The following PCCA variants were observed in gnomAD, a reference collection of about 807,000 sequenced individuals.
PCCA encodes propionyl-CoA carboxylase alpha chain, mitochondrial.
Under a neutral mutation model 101.3 loss-of-function variants are expected in PCCA, and 74 were observed. The ratio of observed to expected loss-of-function variants is 0.73; its 90% CI spans 0.61 to 0.89. PCCA has a LOEUF of 0.89. Ranked by LOEUF, PCCA falls within the 40% of genes least tolerant of loss-of-function variation. The pLI is 0.00. For missense variants in PCCA, 891 were observed against 907.0 expected, an observed-to-expected ratio of 0.98 and a Z score of 0.23; for synonymous variants, 294 against 313.6, an observed-to-expected ratio of 0.94 and a Z score of 0.66.
At chr13:100,280,012 GTTTT>G (rs10543745) in intron 12 of PCCA, among the ~76,000 whole-genome samples, 1 of 140,204 alleles carries the variant, frequency 7.1e-6, no homozygotes, top group Non-Finnish European at 1.6e-5. Flanking sequence ...TTTTGTTTTT[GTTTT>G]TTTTTTTTTT....
chr13:100,376,648 C>T (rs1263071383), intron 19 of PCCA, among the ~76,000 whole-genome samples: 1 of 152,188 alleles, frequency 6.6e-6, no homozygotes, highest in Non-Finnish European at 1.5e-5. Flanking sequence ...ACTCAAGCCT[C>T]AATAATGGTG....
intron 1 of PCCA, among the ~76,000 whole-genome samples, chr13:100,092,252 C>T (rs918800400): frequency 2.0e-5 from 3 of 152,200 alleles, no homozygotes; most frequent in East Asian, 1.9e-4. Context: ...CTTATAACAA[C>T]TAGGTAAAAA....
In PCCA at chr13:100,112,040, C is replaced by G. The variant is rs776253297; in HGVS notation, c.279C>G (p.His93Gln). The G allele has an allele frequency of 6.2e-7, 1 of 1,610,634 alleles. No individual in the cohort carries two copies. Among genetic ancestry groups the G allele is most frequent in the East Asian group, 2.2e-5 (1 of 44,792 alleles). ...TGGGCATTAAGACAGTTGCCATCCA[C>G]AGTGATGTTGATGCTAGTTCTGTAA... ...KKMGIKTVAI[H>Q]SDVDASSVHV... Residue 93 changes from histidine to glutamine, a missense_variant, in exon 4 of 24, where the codon CAC (histidine) becomes CAG (glutamine). Transcript: ENST00000376285.
chr13:100,152,326 G>T lies in PCCA; in HGVS notation c.301-2653G>T, dbSNP rs187398860. On this transcript the variant is annotated intron_variant, in intron 4 of 23. Transcript: ENST00000376285. ...ATAGCAGTTTTGACCTGCTTTTAAT[G>T]CATGATTTATTCAATTGTTTATTGG... Among the ~76,000 whole-genome samples, 4 of 147,312 alleles carry T rather than the reference G, an allele frequency of 2.7e-5. No individual in the cohort carries two copies. In the East Asian group the frequency reaches 7.9e-4, roughly 29 times the overall value.
intron 21 of PCCA, among the ~76,000 whole-genome samples, chr13:100,480,061 C>G (rs970213183): frequency 2.6e-5 from 4 of 152,182 alleles, no homozygotes; most frequent in African/African-American, 9.6e-5. Flanking sequence ...TTTACTCTTG[C>G]TTCTAATAAA....
chr13:100,393,358 C>G (rs2076896313), intron 19 of PCCA, among the ~76,000 whole-genome samples: 1 of 151,432 alleles, frequency 6.6e-6, no homozygotes, highest in African/African-American at 2.4e-5. Flanking sequence ...TTTTGTCAAA[C>G]CAAGTTTTTA....
At chr13:100,384,920 G>A (rs2076417695) in intron 19 of PCCA, among the ~76,000 whole-genome samples, 2 of 152,002 alleles carry the variant, frequency 1.3e-5, no homozygotes, top group African/African-American at 2.4e-5. Flanking sequence ...CTGACTTACA[G>A]TACATGACAA....
Position 100,103,041 on chromosome 13 carries a change from G to A in PCCA, c.183+81G>A, listed in dbSNP as rs894633215. 1.6e-5 allele frequency: 14 copies of A among 891,096 alleles called. No individual in the cohort carries two copies. In the African/African-American group the frequency reaches 2.1e-4, roughly 14 times the overall value. 55.2% of individuals were successfully genotyped at this position (891,096 alleles called of 1,614,324 possible). A position where few individuals can be genotyped will look rare whatever the true frequency, so the allele number is the denominator to read the frequency against. ...TTCTCGTCTCCACACTGTGTTCAGT[G>A]GACAGATGAGATTTTGTTAAGGCTG... On this transcript the variant is annotated intron_variant, in intron 2 of 23. Coordinates refer to ENST00000376285, the MANE Select transcript of PCCA (RefSeq NM_000282.4).
chr13:100,234,419 A>T lies in PCCA; in HGVS notation c.601-1423A>T, dbSNP rs142731865. Among the ~76,000 whole-genome samples the T allele has an allele frequency of 6.8e-4, 104 of 152,162 alleles. 1 individual carries two copies. The highest frequency in any genetic ancestry group is 2.5e-3 in the African/African-American group (103 of 41,510). ...GGTGGGAGATATAGATTTATCTCTG[A>T]CTTGAAAACAATTGTTATTTGGAAA... On this transcript the variant is annotated intron_variant, in intron 7 of 23. Transcript: ENST00000376285.
intron 4 of PCCA, among the ~76,000 whole-genome samples, chr13:100,143,682 A>G (rs2052189421): frequency 6.6e-6 from 1 of 151,968 alleles, no homozygotes; most frequent in Non-Finnish European, 1.5e-5. Context: ...TTTTTGGGAA[A>G]TGGGGAGAAA....
chr13:100,423,066 G>A, intron 19 of PCCA, among the ~76,000 whole-genome samples: 1 of 149,688 alleles, frequency 6.7e-6, no homozygotes, highest in African/African-American at 2.5e-5. Context: ...TCTGAGTGTT[G>A]TTTATGTTGA....
intron 21 of PCCA, among the ~76,000 whole-genome samples, chr13:100,474,763 G>A (rs2083294256): frequency 6.6e-6 from 1 of 151,988 alleles, no homozygotes; most frequent in Non-Finnish European, 1.5e-5. Context: ...TGCTAGGTGT[G>A]AGCCACTGTG....
chr13:100,321,336 C>G (rs2068008015), intron 16 of PCCA, among the ~76,000 whole-genome samples: 1 of 152,148 alleles, frequency 6.6e-6, no homozygotes, highest in South Asian at 2.1e-4. Context: ...ATTGATCTTT[C>G]TAAGCATCCT....
At chr13:100,200,272 G>T (rs1019148729) in intron 6 of PCCA, among the ~76,000 whole-genome samples, 1 of 152,044 alleles carries the variant, frequency 6.6e-6, no homozygotes, top group African/African-American at 2.4e-5. Context: ...GGCTAATTTT[G>T]TTTTTGTATT....
chr13:100,316,462 T>C (rs2067356318), intron 16 of PCCA, among the ~76,000 whole-genome samples: 1 of 152,194 alleles, frequency 6.6e-6, no homozygotes, highest in Admixed American at 6.5e-5. Context: ...TTTTCTAAAA[T>C]TAACACCTAT....
intron 6 of PCCA, among the ~76,000 whole-genome samples, chr13:100,190,108 C>G (rs1363975656): frequency 6.6e-6 from 1 of 152,150 alleles, no homozygotes; most frequent in Non-Finnish European, 1.5e-5. Context: ...GAAAATGTGT[C>G]ATGACTAATT....
chr13:100,515,350 T>C (rs1480309290), intron 21 of PCCA, 77 bp from the exon 22 acceptor site: 1 of 1,337,092 alleles, frequency 7.5e-7, no homozygotes, highest in East Asian at 2.3e-5. Context: ...AGCTAAAAAT[T>C]GATTTAGAAT....
chr13:100,203,887 T>A (rs2058692026), intron 6 of PCCA, among the ~76,000 whole-genome samples: 1 of 152,216 alleles, frequency 6.6e-6, no homozygotes. Context: ...GAATTAACCC[T>A]GTAATCTCCC....
chr13:100,422,113 T>TCTTTCTTTCTTTCTTTCTTTCTTTCTTC (rs1412388142), intron 19 of PCCA, among the ~76,000 whole-genome samples: 3 of 131,392 alleles, frequency 2.3e-5, no homozygotes, highest in Admixed American at 7.9e-5. Flanking sequence ...TTTCTTTCTT[T>TCTTTCTTTCTTTCTTTCTTTCTTTCTTC]CTTTCTTTTC....
Sources: gnomAD v4.1 joint callset for allele counts (sites outside exome capture counted in the v4.1 genomes callset) on GRCh38, gnomAD v4.1.1 for gene constraint, MANE v1.5 for transcripts, NCBI Gene and HGNC (gene_info 2026-07-23, HGNC 2026-07-21) for gene names.